The following NEMP1 variants were observed in gnomAD, a reference collection of about 807,000 sequenced individuals.
The protein encoded by NEMP1 is nuclear envelope integral membrane protein 1.
A neutral mutation model predicts 53.7 loss-of-function variants in NEMP1; 29 were observed. That is an observed-to-expected ratio of 0.54 (90% CI 0.40 to 0.74). The LOEUF is 0.74. Among genes scored for constraint, NEMP1 ranks in the 30% least tolerant of loss-of-function variants. The probability of loss-of-function intolerance (pLI) is 0.00; values close to 1 mark genes in which losing one functional copy is unlikely to be tolerated. For missense variants in NEMP1, 477 were observed against 528.6 expected, an observed-to-expected ratio of 0.90 and a Z score of 0.96; for synonymous variants, 193 against 192.9, an observed-to-expected ratio of 1.00 and a Z score of 0.00.
At chr12:57,082,748 A>G (rs2032882622), upstream of NEMP1, among the ~76,000 whole-genome samples, 1 of 151,790 alleles carries the variant, frequency 6.6e-6, no homozygotes, top group Non-Finnish European at 1.5e-5. Flanking sequence ...GCAGTGGCTC[A>G]TGCCTGTAAT....
chr12:57,072,400 A>G (rs2032395630), intron 2 of NEMP1, among the ~76,000 whole-genome samples: 1 of 152,200 alleles, frequency 6.6e-6, no homozygotes, highest in South Asian at 2.1e-4. Flanking sequence ...AGATGGTGCC[A>G]CTGCACTCCA....
chr12:57,060,160 C>A, intron 8 of NEMP1, 101 bp from the exon 9 acceptor site: 2 of 1,069,776 alleles, frequency 1.9e-6, no homozygotes, highest in Non-Finnish European at 2.7e-6. Flanking sequence ...GCTCGCAACT[C>A]AAATTATATT....
upstream of NEMP1, chr12:57,078,908 T>C: frequency 2.8e-6 from 2 of 718,730 alleles, no homozygotes; most frequent in African/African-American, 1.8e-5. Flanking sequence ...GTCCCGCCCC[T>C]TAGCAACTGA....
At position 57,085,795 on chromosome 12, in the gene NEMP1, T is replaced by C. The variant is rs570446610; in HGVS notation, n.113+2156A>G. Among the ~76,000 whole-genome samples the C allele has an allele frequency of 5.3e-5, 8 of 152,340 alleles. No homozygotes were observed. In the East Asian group the frequency reaches 1.4e-3, roughly 26 times the overall value. Reference sequence around the variant, plus strand: ...CAGATTTGTGGGACTCACTGGAAACTTTACAAGGGAAAGAGATATGGAAAA... The same window carrying C: ...CAGATTTGTGGGACTCACTGGAAACCTTACAAGGGAAAGAGATATGGAAAA... On this transcript the variant is annotated intron_variant and non_coding_transcript_variant, in intron 1 of 2. Coordinates refer to the NEMP1 transcript ENST00000553654.
At chr12:57,079,357 ATTT>A (rs1207807226), upstream of NEMP1, among the ~76,000 whole-genome samples, 1 of 152,218 alleles carries the variant, frequency 6.6e-6, no homozygotes, top group Non-Finnish European at 1.5e-5. Context: ...TATTCATAGG[ATTT>A]TTATTTTTGG....
At chr12:57,060,318 A>G (rs796976800) in intron 8 of NEMP1, among the ~76,000 whole-genome samples, 2 of 152,222 alleles carry the variant, frequency 1.3e-5, no homozygotes, top group South Asian at 2.1e-4. Flanking sequence ...TCTAATTATG[A>G]AAGTGCCAAG....
intron 5 of NEMP1, among the ~76,000 whole-genome samples, 175 bp from the exon 6 acceptor site, chr12:57,064,360 A>G (rs2031972254): frequency 6.6e-6 from 1 of 152,194 alleles, no homozygotes; most frequent in South Asian, 2.1e-4. Flanking sequence ...TCTGCAACGA[A>G]CACTGGGAAG....
chr12:57,069,888 C>T (rs576914913), intron 3 of NEMP1, among the ~76,000 whole-genome samples: 3 of 150,308 alleles, frequency 2.0e-5, no homozygotes, highest in Admixed American at 6.7e-5. Context: ...AAGAGTTCTA[C>T]GGGAGGCCCA....
At position 57,078,714 on chromosome 12, in the gene NEMP1, G is replaced by A. The variant is rs767629214; in HGVS notation, c.32C>T (p.Pro11Leu). The change falls in exon 1 of 9, where the codon CCG (proline) becomes CTG (leucine). Residue 11 changes from proline to leucine, a missense_variant. Transcript: ENST00000300128. ...GCCCCAGGGCCCGGGACCAACTGCC[G>A]GCGAGACCGCCACTTTCATTCCTCC... MAGGMKVAVS[P>L]AVGPGPWGSG... 4.3e-6 allele frequency: 7 copies of A among 1,612,552 alleles called. No homozygotes were observed. Among genetic ancestry groups the A allele is most frequent in the African/African-American group, 2.7e-5 (2 of 74,866 alleles).
intron 7 of NEMP1, among the ~76,000 whole-genome samples, chr12:57,062,520 G>A (rs1236025394): frequency 2.0e-5 from 3 of 151,250 alleles, no homozygotes; most frequent in Non-Finnish European, 2.9e-5. Flanking sequence ...ATGAGCATAC[G>A]GTATAAAAGC....
chr12:57,060,467 CT>C (rs1485129248), intron 8 of NEMP1, among the ~76,000 whole-genome samples: 1 of 152,118 alleles, frequency 6.6e-6, no homozygotes, highest in Non-Finnish European at 1.5e-5. Context: ...TTGCCCCCAA[CT>C]AAAAAGTGGG....
intron 2 of NEMP1, among the ~76,000 whole-genome samples, chr12:57,072,072 T>A (rs1449560876): frequency 6.6e-6 from 1 of 152,116 alleles, no homozygotes; most frequent in Non-Finnish European, 1.5e-5. Context: ...ATAGGAACAG[T>A]GGGGCAAAAG....
At chr12:57,064,508 C>T (rs1042710308) in intron 5 of NEMP1, 138 bp downstream of exon 5, 1 of 585,740 alleles carries the variant, frequency 1.7e-6, no homozygotes, top group Non-Finnish European at 2.9e-6. Flanking sequence ...GTGGAAAGTA[C>T]CTTTCTGAAT....
chr12:57,072,836 G>A lies in NEMP1; in HGVS notation c.204C>T (p.Tyr68=), dbSNP rs759114987. Residue 68 remains tyrosine (Y), a synonymous_variant, in exon 2 of 9, where the codon TAC becomes TAT. Coordinates refer to ENST00000300128, the MANE Select transcript of NEMP1 (RefSeq NM_001130963.2). ...CEKRASQQFC[Y]TNVLIPKWHD... ...GCCATTTTGGGATAAGCACATTTGT[G>A]TAACAGAATTGTTGGCTGGCACGCT... 1 of 1,613,536 alleles carries A rather than the reference G, an allele frequency of 6.2e-7. No individual in the cohort carries two copies. Among genetic ancestry groups the A allele is most frequent in the African/African-American group, 1.3e-5 (1 of 75,032 alleles).
chr12:57,078,735 C>T lies in NEMP1; in HGVS notation c.11G>A (p.Gly4Glu). Residue 4 changes from glycine to glutamate, a missense_variant, in exon 1 of 9, where the codon GGA (glycine) becomes GAA (glutamate). By Grantham distance (98) the Gly-to-Glu change is moderately conservative. Transcript: ENST00000300128. The part of the protein sequence containing the change: MAG[G>E]MKVAVSPAVG... The stretch of plus-strand genomic sequence containing the variant: ...TGCCGGCGAGACCGCCACTTTCATT[C>T]CTCCCGCCATGGTTGCCTCAAGCCA... The T allele has an allele frequency of 6.2e-7, 1 of 1,612,072 alleles. No individual in the cohort carries two copies. Among genetic ancestry groups the T allele is most frequent in the South Asian group, 1.1e-5 (1 of 90,858 alleles).
At position 57,069,252 on chromosome 12, in the gene NEMP1, CA is replaced by C; in HGVS notation, c.526del (p.Cys176ValfsTer5). 1 of 1,546,680 alleles carries C rather than the reference CA, an allele frequency of 6.5e-7. No individual in the cohort carries two copies. Among genetic ancestry groups the C allele is most frequent in the Admixed American group, 2.0e-5 (1 of 49,634 alleles). ...VFLLGLMLFF[C>X]GDLLSRSQIF... ...AACCTACCTGCTCAGCAAGTCTCCA[CA>C]AAAAAATAGCATAAGTCCAAGAAGG... On this transcript the variant is annotated frameshift_variant, in exon 4 of 9. Coordinates refer to ENST00000300128, the MANE Select transcript of NEMP1 (RefSeq NM_001130963.2). LOFTEE classifies it high-confidence loss of function.
rs1305251064 is a variant in NEMP1, at chr12:57,056,293, A to G, written c.*3586T>C. 1 of 152,240 alleles carries G rather than the reference A, an allele frequency of 6.6e-6. No homozygotes were observed. The highest frequency in any genetic ancestry group is 1.5e-5 in the Non-Finnish European group (1 of 68,046). 9.4% of individuals were successfully genotyped at this position (152,240 alleles called of 1,614,324 possible). ...GAATTCATAAGCTTAAGTCACCAAA[A>G]GACATCACTGGGTCATAATTATATA... On this transcript the variant is annotated 3_prime_UTR_variant, in exon 9 of 9. Coordinates refer to ENST00000300128, the MANE Select transcript of NEMP1 (RefSeq NM_001130963.2).
At chr12:57,076,019 G>A (rs578226851) in intron 1 of NEMP1, among the ~76,000 whole-genome samples, 2 of 151,410 alleles carry the variant, frequency 1.3e-5, no homozygotes, top group African/African-American at 2.4e-5. Context: ...TAGGAGAATC[G>A]CTTGAACCTA....
chr12:57,081,435 G>T (rs2032843175), upstream of NEMP1, among the ~76,000 whole-genome samples: 1 of 151,772 alleles, frequency 6.6e-6, no homozygotes, highest in Admixed American at 6.6e-5. Flanking sequence ...TAGAGATGGG[G>T]TTTCTCCATG....
Sources: gnomAD v4.1 joint callset for allele counts (sites outside exome capture counted in the v4.1 genomes callset) on GRCh38, gnomAD v4.1.1 for gene constraint, MANE v1.5 for transcripts, NCBI Gene and HGNC (gene_info 2026-07-23, HGNC 2026-07-21) for gene names.